The following TSPAN17 variants were observed in gnomAD, a reference collection of about 807,000 sequenced individuals.
The protein encoded by TSPAN17 is tetraspanin 17.
TSPAN17 carries 33 observed loss-of-function variants against 40.5 expected under a neutral mutation model. The observed-to-expected ratio is 0.81, with a 90% CI of 0.62 to 1.09. The LOEUF is 1.09. TSPAN17 is among the 50% of genes least tolerant of loss of function. The pLI is 0.00. For missense variants in TSPAN17, 365 were observed against 416.8 expected, an observed-to-expected ratio of 0.88 and a Z score of 1.08; for synonymous variants, 166 against 169.4, an observed-to-expected ratio of 0.98 and a Z score of 0.15.
chr5:176,657,035 CTCCTGACGGGCAAGGCTGCAGGAGATGT>C, intron 8 of TSPAN17, 79 bp downstream of exon 8: 1 of 1,412,486 alleles, frequency 7.1e-7, no homozygotes, highest in Admixed American at 2.1e-5. Flanking sequence ...TCCTACTATA[CTCCTGACGGGCAAGGCTGCAGGAGATGT>C]TCCTGCTGGG....
chr5:176,649,144 G>A (rs1760862691), intron 1 of TSPAN17, among the ~76,000 whole-genome samples: 1 of 152,128 alleles, frequency 6.6e-6, no homozygotes, highest in Non-Finnish European at 1.5e-5. Context: ...TGGCTGCTGT[G>A]TGGAGGGTGG....
chr5:176,651,220 T>A lies in TSPAN17; in HGVS notation c.88-396T>A, dbSNP rs1760952222. On this transcript the variant is annotated intron_variant, in intron 1 of 8. Coordinates refer to ENST00000508164, the MANE Select transcript of TSPAN17 (RefSeq NM_130465.5). This position sits in a 1 kb window ranked among gnomAD's most constrained non-coding sequence, Gnocchi z 4.5. ...AGCAGGAGAGCTGGACTTGGCAGGG[T>A]GCAGAAAGGAGGCTAGGAGCCTGGA... is the stretch of plus-strand genomic sequence containing the variant. 6.6e-6 allele frequency among the ~76,000 whole-genome samples: 1 copy of A among 152,004 alleles called. No individual in the cohort carries two copies. Among genetic ancestry groups the A allele is most frequent in the African/African-American group, 2.4e-5 (1 of 41,364 alleles).
rs201230552 is a variant in TSPAN17, at chr5:176,656,857, C to T, written c.748-38C>T. ...CACGTGCCCCTCCCCTTGCCGGGGC[C>T]GCCCTCACTCTCCCCTCACCTGTCC... On this transcript the variant is annotated intron_variant, in intron 7 of 8. Coordinates refer to ENST00000508164, the MANE Select transcript of TSPAN17 (RefSeq NM_130465.5). 167 of 1,614,152 alleles carry T rather than the reference C, an allele frequency of 1.0e-4. No homozygotes were observed. In the African/African-American group the frequency reaches 1.7e-3, roughly 17 times the overall value.
At chr5:176,657,016 C>T in intron 8 of TSPAN17, 60 bp downstream of exon 8, 1 of 1,534,940 alleles carries the variant, frequency 6.5e-7, no homozygotes, top group South Asian at 1.2e-5. Flanking sequence ...GGGGGGCCCC[C>T]CAGGACCCTC....
Position 176,656,719 on chromosome 5 carries a change from T to C in TSPAN17, c.650T>C (p.Phe217Ser). ...RLKLELEQQG[F>S]IHTKGCVGQF... ...CCCCAGGAGCTGGAGCAGCAGGGCT[T>C]CATCCACACCAAAGGCTGCGTGGGC... Residue 217 changes from phenylalanine (F) to serine (S), a missense_variant, in exon 7 of 9, where the codon TTC becomes TCC. Coordinates refer to ENST00000508164, the MANE Select transcript of TSPAN17 (RefSeq NM_130465.5). The C allele has an allele frequency of 6.2e-7, 1 of 1,614,148 alleles. No individual in the cohort carries two copies. The highest frequency in any genetic ancestry group is 8.5e-7 in the Non-Finnish European group (1 of 1,179,998).
Position 176,647,572 on chromosome 5 carries a change from T to TGGCTCCC in TSPAN17, c.-37_-31dup. 6.5e-7 allele frequency: 1 copy of TGGCTCCC among 1,532,690 alleles called. No homozygotes were observed. The highest frequency in any genetic ancestry group is 8.8e-7 in the Non-Finnish European group (1 of 1,140,344). 94.9% of individuals were successfully genotyped at this position (1,532,690 alleles called of 1,614,324 possible). On this transcript the variant is annotated 5_prime_UTR_variant, in exon 1 of 9. Transcript: ENST00000508164. Reference sequence around the variant, plus strand: ...AGGGCGGCCCGCGGGGCGCTGGGCCTGGCTCCCGGCTCCGGTTTCCGGGCC... The same window carrying TGGCTCCC: ...AGGGCGGCCCGCGGGGCGCTGGGCCTGGCTCCCGGCTCCCGGCTCCGGTTTCCGGGCC...
rs865818941 is a variant in TSPAN17 at position 176,658,026 on chromosome 5, G to A, written c.*328G>A. ...CTTGCTGGGGACTGCGGTGGGAGTA[G>A]AGTGCCCAGGAGAGGGTCTGAGGGG... On this transcript the variant is annotated 3_prime_UTR_variant, in exon 9 of 9. Coordinates refer to ENST00000508164, the MANE Select transcript of TSPAN17 (RefSeq NM_130465.5). The A allele has an allele frequency of 3.5e-5, 8 of 230,896 alleles. No individual in the cohort carries two copies. Among genetic ancestry groups the A allele is most frequent in the Middle Eastern group, 1.5e-3 (1 of 680 alleles). The allele number at this position is 230,896 out of a possible 1,614,324, so 14.3% of individuals were successfully genotyped here.
At position 176,654,400 on chromosome 5, in the gene TSPAN17, G is replaced by A. The variant is rs1761073627; in HGVS notation, c.457-495G>A. Reference sequence around the variant, plus strand: ...TTAGGGTGTTCTGGGTGGGGGTGATGGGGTGTGGGATGATGCCAGCCGGCA... The same window carrying A: ...TTAGGGTGTTCTGGGTGGGGGTGATAGGGTGTGGGATGATGCCAGCCGGCA... On this transcript the variant is annotated intron_variant, in intron 4 of 8. Coordinates refer to ENST00000508164, the MANE Select transcript of TSPAN17 (RefSeq NM_130465.5). The surrounding 1 kb of genome is among the most constrained non-coding windows in gnomAD (Gnocchi z 4.3). 1 of 166,734 alleles carries A rather than the reference G, an allele frequency of 6.0e-6. No individual in the cohort carries two copies. Among genetic ancestry groups the A allele is most frequent in the African/African-American group, 2.4e-5 (1 of 41,794 alleles). The allele number at this position is 166,734 out of a possible 1,614,324, so 10.3% of individuals were successfully genotyped here.
chr5:176,651,729 C>T lies in TSPAN17; in HGVS notation c.139-25C>T. 6.2e-7 allele frequency: 1 copy of T among 1,614,048 alleles called. No homozygotes were observed. Among genetic ancestry groups the T allele is most frequent in the Non-Finnish European group, 8.5e-7 (1 of 1,179,928 alleles). On this transcript the variant is annotated intron_variant, in intron 2 of 8. Coordinates refer to ENST00000508164, the MANE Select transcript of TSPAN17 (RefSeq NM_130465.5). This position sits in a 1 kb window ranked among gnomAD's most constrained non-coding sequence, Gnocchi z 4.5. Reference sequence around the variant, plus strand: ...AGGTGGTGGGAAGGTCAGCTCCCCACACCTGCCTCTGCTGCCCGGCACAGG... The same window carrying T: ...AGGTGGTGGGAAGGTCAGCTCCCCATACCTGCCTCTGCTGCCCGGCACAGG...
In TSPAN17 at chr5:176,647,639, C is replaced by T. The variant is rs1477747277; in HGVS notation, c.24C>T (p.Phe8=). The T allele has an allele frequency of 6.3e-7, 1 of 1,595,540 alleles. No individual in the cohort carries two copies. Among genetic ancestry groups the T allele is most frequent in the Non-Finnish European group, 8.5e-7 (1 of 1,172,082 alleles). Reference sequence around the variant, plus strand: ...CCATGCCCGGCAAGCACCAGCATTTCCAGGAACCTGAGGTCGGCTGCTGCG... The same window carrying T: ...CCATGCCCGGCAAGCACCAGCATTTTCAGGAACCTGAGGTCGGCTGCTGCG... MPGKHQH[F]QEPEVGCCGK... Residue 8 remains phenylalanine (F), a synonymous_variant, in exon 1 of 9, where the codon TTC becomes TTT. Coordinates refer to ENST00000508164, the MANE Select transcript of TSPAN17 (RefSeq NM_130465.5).
At position 176,647,664 on chromosome 5, in the gene TSPAN17, G is replaced by A. The variant is rs1760791066; in HGVS notation, c.49G>A (p.Gly17Arg). ...CCAGGAACCTGAGGTCGGCTGCTGC[G>A]GGAAATACTTCCTGTTTGGCTTCAA... is the stretch of plus-strand genomic sequence containing the variant. ...HFQEPEVGCC[G>R]KYFLFGFNIV... The change falls in exon 1 of 9, where the codon GGG becomes AGG. Residue 17 changes from glycine (G) to arginine (R), a missense_variant. Transcript: ENST00000508164. 2 of 1,603,898 alleles carry A rather than the reference G, an allele frequency of 1.2e-6. No individual in the cohort carries two copies. The highest frequency in any genetic ancestry group is 1.1e-5 in the South Asian group (1 of 88,998).
rs1261966081 is a variant in TSPAN17 at position 176,647,619 on chromosome 5, C to A, written c.4C>A (p.Pro2Thr). 6.4e-7 allele frequency: 1 copy of A among 1,573,566 alleles called. No homozygotes were observed. The highest frequency in any genetic ancestry group is 2.4e-5 in the East Asian group (1 of 42,430). The part of the protein sequence containing the change: M[P>T]GKHQHFQEPE... The stretch of plus-strand genomic sequence containing the variant: ...GGCCGGCGGGTGGCCGCTCACCATG[C>A]CCGGCAAGCACCAGCATTTCCAGGA... Residue 2 changes from proline to threonine, a missense_variant, in exon 1 of 9, where the codon CCC becomes ACC. Transcript: ENST00000508164.
Position 176,657,599 on chromosome 5 carries a change from G to T in TSPAN17, c.891G>T (p.Gln297His), listed in dbSNP as rs1581200228. Residue 297 changes from glutamine to histidine, a missense_variant, in exon 9 of 9, where the codon CAG becomes CAT. Gln to His is a conservative substitution (Grantham distance 24). Coordinates refer to ENST00000508164, the MANE Select transcript of TSPAN17 (RefSeq NM_130465.5). Reference protein sequence around the residue: ...SEVLSTAGPQQNSLTGAPGPA... With the variant: ...SEVLSTAGPQHNSLTGAPGPA... ...TCCTGTCCACGGCGGGGCCTCAGCA[G>T]AACTCTCTGACTGGGGCCCCTGGCC... 1.2e-6 allele frequency: 2 copies of T among 1,613,780 alleles called. No homozygotes were observed. The highest frequency in any genetic ancestry group is 1.7e-6 in the Non-Finnish European group (2 of 1,179,866).
chr5:176,651,999 G>A lies in TSPAN17; in HGVS notation c.285+99G>A. 6.8e-7 allele frequency: 1 copy of A among 1,476,940 alleles called. No individual in the cohort carries two copies. Among genetic ancestry groups the A allele is most frequent in the Non-Finnish European group, 9.2e-7 (1 of 1,089,460 alleles). The allele number at this position is 1,476,940 out of a possible 1,614,324, so 91.5% of individuals were successfully genotyped here. ...TAATGATGGGTAGCTTTATTATTAT[G>A]CTATAATCGTCATCGTTAGATTCAT... On this transcript the variant is annotated intron_variant, in intron 3 of 8. Coordinates refer to ENST00000508164, the MANE Select transcript of TSPAN17 (RefSeq NM_130465.5). This position sits in a 1 kb window ranked among gnomAD's most constrained non-coding sequence, Gnocchi z 4.5.
Position 176,650,071 on chromosome 5 carries a change from G to A in TSPAN17, c.88-1545G>A, listed in dbSNP as rs879927280. Among the ~76,000 whole-genome samples, 2 of 152,186 alleles carry A rather than the reference G, an allele frequency of 1.3e-5. No homozygotes were observed. The highest frequency in any genetic ancestry group is 2.9e-5 in the Non-Finnish European group (2 of 68,032). ...GACTGTCCATCTCCCCTGCTGGAGTGTAAGCTCCGTGAGGGTCGAGTCCGT... is the reference window on the plus strand; with the variant it reads ...GACTGTCCATCTCCCCTGCTGGAGTATAAGCTCCGTGAGGGTCGAGTCCGT... On this transcript the variant is annotated intron_variant, in intron 1 of 8. Transcript: ENST00000508164. The surrounding 1 kb of genome is among the most constrained non-coding windows in gnomAD (Gnocchi z 4.0).
At position 176,654,801 on chromosome 5, in the gene TSPAN17, A is replaced by T; in HGVS notation, c.457-94A>T. ...TGGCTGTCCCAGCCCTGTCCCAGAC[A>T]GCCCTGTATTCCTGCAGCCTGGGCT... On this transcript the variant is annotated intron_variant, in intron 4 of 8. Coordinates refer to ENST00000508164, the MANE Select transcript of TSPAN17 (RefSeq NM_130465.5). This position sits in a 1 kb window ranked among gnomAD's most constrained non-coding sequence, Gnocchi z 4.3. The T allele has an allele frequency of 1.3e-6, 2 of 1,493,540 alleles. No individual in the cohort carries two copies. The highest frequency in any genetic ancestry group is 1.8e-6 in the Non-Finnish European group (2 of 1,103,976). 92.5% of individuals were successfully genotyped at this position (1,493,540 alleles called of 1,614,324 possible).
rs1379579454 is a variant in TSPAN17 at position 176,658,829 on chromosome 5, C to G, written c.*1131C>G. 5 of 152,290 alleles carry G rather than the reference C, an allele frequency of 3.3e-5. No homozygotes were observed. Among genetic ancestry groups the G allele is most frequent in the African/African-American group, 1.2e-4 (5 of 41,474 alleles). 9.4% of individuals were successfully genotyped at this position (152,290 alleles called of 1,614,324 possible). A position where few individuals can be genotyped will look rare whatever the true frequency, so the allele number is the denominator to read the frequency against. ...TGCAGGCCAAACAAGGTGCAGGACC[C>G]AGCTTTGGCCCCATGCCCCTGTAGG... On this transcript the variant is annotated 3_prime_UTR_variant, in exon 9 of 9. Transcript: ENST00000508164.
rs1477698445 is a variant in TSPAN17, at chr5:176,652,776, G to A, written c.319G>A (p.Glu107Lys). Residue 107 changes from glutamate to lysine, a missense_variant, in exon 4 of 9, where the codon GAG becomes AAG. Transcript: ENST00000508164. ...SVFLGLIFFL[E>K]LATGILAFVF... is the part of the protein sequence containing the mutation. Reference sequence around the variant, plus strand: ...GTTCCTCGGTCTCATCTTCTTCCTGGAGCTGGCAACAGGGATCCTGGCCTT... The same window carrying A: ...GTTCCTCGGTCTCATCTTCTTCCTGAAGCTGGCAACAGGGATCCTGGCCTT... 6.2e-7 allele frequency: 1 copy of A among 1,613,962 alleles called. No individual in the cohort carries two copies. The highest frequency in any genetic ancestry group is 1.3e-5 in the African/African-American group (1 of 74,886).
Position 176,656,689 on chromosome 5 carries a change from C to T in TSPAN17, c.631-11C>T, listed in dbSNP as rs900536951. 6.2e-6 allele frequency: 10 copies of T among 1,612,622 alleles called. No homozygotes were observed. Among genetic ancestry groups the T allele is most frequent in the South Asian group, 1.1e-5 (1 of 91,040 alleles). ...GCAGGTAGGCTGAGCCTGGTGCCTGCGTGTCCCCAGGAGCTGGAGCAGCAG... is the reference window on the plus strand; with the variant it reads ...GCAGGTAGGCTGAGCCTGGTGCCTGTGTGTCCCCAGGAGCTGGAGCAGCAG... On this transcript the variant is annotated splice_polypyrimidine_tract_variant and intron_variant, in intron 6 of 8. Coordinates refer to ENST00000508164, the MANE Select transcript of TSPAN17 (RefSeq NM_130465.5).
Sources: allele counts gnomAD v4.1 joint callset (sites outside exome capture counted in the v4.1 genomes callset), GRCh38; gene constraint gnomAD v4.1.1; non-coding constraint Gnocchi (gnomAD v3.1); transcripts MANE v1.5; gene names NCBI Gene and HGNC (gene_info 2026-07-23, HGNC 2026-07-21).